ROBO1: variants seen among roughly 807,000 people sequenced by gnomAD.
ROBO1 encodes the protein roundabout guidance receptor 1.
A neutral mutation model predicts 195.9 loss-of-function variants in ROBO1; 149 were observed. The observed-to-expected ratio is 0.76, with a 90% CI of 0.67 to 0.87. ROBO1 has a LOEUF of 0.87. Ranked by LOEUF, ROBO1 falls within the 40% of genes least tolerant of loss-of-function variation. ROBO1 has a pLI of 0.00. For synonymous variants in ROBO1, 816 were observed against 733.2 expected (o/e 1.11, Z -1.82); for missense variants, 1,933 against 2,068.3 (o/e 0.93, Z 1.27).
intron 8 of ROBO1, among the ~76,000 whole-genome samples, chr3:78,711,398 C>CCTTCCTTCCTTCCTTCCTTTCTTT (rs2081724186): frequency 2.5e-5 from 1 of 39,888 alleles, no homozygotes; most frequent in African/African-American, 6.9e-5. Context: ...TTCCTTCCTT[C>CCTTCCTTCCTTCCTTCCTTTCTTT]CTTTCTTTCT....
rs115663516 is a variant in ROBO1 at position 79,425,313 on chromosome 3, G to A, written c.88+164511C>T. Among the ~76,000 whole-genome samples the A allele has an allele frequency of 2.4e-3, 363 of 152,182 alleles. 3 individuals carry two copies. The highest frequency in any genetic ancestry group is 8.5e-3 in the African/African-American group (352 of 41,520). ...ATTGAACGGCAATTTATTTCAATTG[G>A]TCTATTTAAGAAGCTAGAAAACTAT... On this transcript the variant is annotated intron_variant, in intron 2 of 30. Transcript: ENST00000464233.
At position 78,617,693 on chromosome 3, in the gene ROBO1, T is replaced by A; in HGVS notation, c.4224A>T (p.Ala1408=). 6.2e-7 allele frequency: 1 copy of A among 1,613,988 alleles called. No individual in the cohort carries two copies. Among genetic ancestry groups the A allele is most frequent in the Non-Finnish European group, 8.5e-7 (1 of 1,179,866 alleles). ...FTDADFAQAV[A]AAAEYAGLKV... ...TCAGACCAGCATACTCTGCCGCTGC[T>A]GCGACTGCCTGGGCAAAGTCAGCAT... The change falls in exon 27 of 31, where the codon GCA becomes GCT. Residue 1408 remains alanine (A), a synonymous_variant. Transcript: ENST00000464233.
At chr3:78,951,939 T>C (rs1252668848) in intron 3 of ROBO1, among the ~76,000 whole-genome samples, 1 of 152,020 alleles carries the variant, frequency 6.6e-6, no homozygotes, top group Non-Finnish European at 1.5e-5. Context: ...ACTATTCTGT[T>C]GAGGTAAGCA....
intron 1 of ROBO1, among the ~76,000 whole-genome samples, chr3:79,752,657 G>A (rs1342515596): frequency 6.6e-6 from 1 of 152,032 alleles, no homozygotes; most frequent in African/African-American, 2.4e-5. Flanking sequence ...CAGCTGATTG[G>A]CATATTTGAA....
intron 3 of ROBO1, among the ~76,000 whole-genome samples, chr3:79,049,917 A>C (rs2078664891): frequency 6.6e-6 from 1 of 152,098 alleles, no homozygotes; most frequent in African/African-American, 2.4e-5. Context: ...AAAAGGAAAA[A>C]CCAGCACCAG....
At position 78,955,167 on chromosome 3, in the gene ROBO1, G is replaced by A. The variant is rs182974469; in HGVS notation, c.173-16240C>T. ...ATATAGGTAAATTGTGTGTCATGGG[G>A]TTATATAGGTAAACTGTGTATCATG... On this transcript the variant is annotated intron_variant, in intron 3 of 30. Coordinates refer to ENST00000464233, the MANE Select transcript of ROBO1 (RefSeq NM_002941.4). Among the ~76,000 whole-genome samples, 11 of 149,730 alleles carry A rather than the reference G, an allele frequency of 7.3e-5. No individual in the cohort carries two copies. The East Asian group carries it at 2.2e-3, about 29-fold the overall frequency.
At chr3:78,648,681 TAAA>T (rs199787334) in intron 19 of ROBO1, among the ~76,000 whole-genome samples, 1 of 136,000 alleles carries the variant, frequency 7.4e-6, no homozygotes, top group Non-Finnish European at 1.6e-5. Context: ...CTGCTCTGGT[TAAA>T]AAAAAAAAAA....
At chr3:79,451,248 C>G (rs976171769) in intron 2 of ROBO1, among the ~76,000 whole-genome samples, 5 of 151,994 alleles carry the variant, frequency 3.3e-5, no homozygotes, top group Non-Finnish European at 5.9e-5. Context: ...GGAAACTTCA[C>G]AAAAAATGTC....
intron 3 of ROBO1, among the ~76,000 whole-genome samples, chr3:79,118,455 T>C (rs2080050691): frequency 6.6e-6 from 1 of 152,190 alleles, no homozygotes; most frequent in Admixed American, 6.5e-5. Flanking sequence ...GAATTCTTCA[T>C]AAATTCTACC....
At chr3:79,725,645 C>T (rs1702891546) in intron 1 of ROBO1, among the ~76,000 whole-genome samples, 1 of 152,046 alleles carries the variant, frequency 6.6e-6, no homozygotes, top group African/African-American at 2.4e-5. Flanking sequence ...TTATAATGCC[C>T]CTAAATTAAT....
chr3:79,003,991 T>C (rs1181324638), intron 3 of ROBO1, among the ~76,000 whole-genome samples: 1 of 152,168 alleles, frequency 6.6e-6, no homozygotes, highest in Admixed American at 6.5e-5. Flanking sequence ...ATCCAAGACA[T>C]GTTTTTCTCC....
At chr3:78,992,336 T>C (rs2077257904) in intron 3 of ROBO1, among the ~76,000 whole-genome samples, 1 of 152,116 alleles carries the variant, frequency 6.6e-6, no homozygotes, top group Non-Finnish European at 1.5e-5. Flanking sequence ...GTAGTATTTA[T>C]CTGAAGGTGG....
intron 3 of ROBO1, among the ~76,000 whole-genome samples, chr3:79,106,619 T>C (rs774794330): frequency 2.0e-5 from 3 of 151,552 alleles, no homozygotes; most frequent in Admixed American, 6.6e-5. Context: ...TTCAAGTAAG[T>C]GCTAAATCCT....
chr3:79,583,315 C>T (rs552507309), intron 2 of ROBO1, among the ~76,000 whole-genome samples: 1 of 152,098 alleles, frequency 6.6e-6, no homozygotes, highest in Non-Finnish European at 1.5e-5. Flanking sequence ...ATGACTCTTA[C>T]ATATGCCATA....
At chr3:79,404,322 G>A (rs1266526926) in intron 2 of ROBO1, among the ~76,000 whole-genome samples, 1 of 152,008 alleles carries the variant, frequency 6.6e-6, no homozygotes, top group Admixed American at 6.6e-5. Flanking sequence ...AGTTGTTTGT[G>A]GGACAGTTAT....
At chr3:79,585,670 C>G (rs957785102) in intron 2 of ROBO1, among the ~76,000 whole-genome samples, 1 of 151,872 alleles carries the variant, frequency 6.6e-6, no homozygotes, top group African/African-American at 2.4e-5. Context: ...ATAAAATCAA[C>G]TCAAATGTCT....
chr3:78,749,650 T>A (rs557624441), intron 4 of ROBO1, among the ~76,000 whole-genome samples: 18 of 152,298 alleles, frequency 1.2e-4, no homozygotes, highest in Non-Finnish European at 2.2e-4. Context: ...TAAAACTATA[T>A]GAAACTTTTA....
intron 4 of ROBO1, among the ~76,000 whole-genome samples, chr3:78,876,948 G>A (rs1469870401): frequency 6.6e-6 from 1 of 151,900 alleles, no homozygotes; most frequent in Non-Finnish European, 1.5e-5. Context: ...TTAACTAGGT[G>A]TGACTGCATG....
chr3:79,581,237 G>A (rs1246292792), intron 2 of ROBO1, among the ~76,000 whole-genome samples: 3 of 151,910 alleles, frequency 2.0e-5, no homozygotes, highest in Non-Finnish European at 4.4e-5. Context: ...CTAGGTTAGC[G>A]CCTCTTTCTA....
Sources: allele counts gnomAD v4.1 joint callset (sites outside exome capture counted in the v4.1 genomes callset), GRCh38; gene constraint gnomAD v4.1.1; transcripts MANE v1.5; gene names NCBI Gene and HGNC (gene_info 2026-07-23, HGNC 2026-07-21).